MEIS2: variants seen among roughly 807,000 people sequenced by gnomAD.
MEIS2 encodes Meis homeobox 2.
MEIS2 carries 9 observed loss-of-function variants against 58.6 expected under a neutral mutation model. The ratio of observed to expected loss-of-function variants is 0.15; its 90% CI spans 0.09 to 0.27. MEIS2 has a LOEUF of 0.27. Among genes scored for constraint, MEIS2 ranks in the 10% least tolerant of loss-of-function variants. The pLI, the probability that MEIS2 is intolerant of heterozygous loss-of-function variation, is 1.00. For synonymous variants in MEIS2, 221 were observed against 228.4 expected (o/e 0.97, Z 0.29); for missense variants, 427 against 635.0 (o/e 0.67, Z 3.52).
intron 9 of MEIS2, among the ~76,000 whole-genome samples, chr15:36,926,340 T>G (rs1317508676): frequency 1.3e-5 from 2 of 152,104 alleles, no homozygotes; most frequent in Non-Finnish European, 2.9e-5. Flanking sequence ...GTTTTACCTT[T>G]TCAAAAAAAC....
chr15:36,894,573 G>T (rs932683112), intron 11 of MEIS2: 1 of 596,382 alleles, frequency 1.7e-6, no homozygotes, highest in Non-Finnish European at 2.9e-6. Flanking sequence ...TTCAGAGATG[G>T]GTGATATATA....
rs566992077 is a variant in MEIS2 at position 37,089,208 on chromosome 15, C to A, written c.639+4373G>T. Among the ~76,000 whole-genome samples, 9 of 152,228 alleles carry A rather than the reference C, an allele frequency of 5.9e-5. No individual in the cohort carries two copies. The East Asian group carries it at 7.7e-4, about 13-fold the overall frequency. The stretch of plus-strand genomic sequence containing the variant: ...GGCTTTGAATAGCATACCATAAGGT[C>A]TCACCTTACACTAAAACATAAGAAA... On this transcript the variant is annotated intron_variant, in intron 6 of 11. Transcript: ENST00000561208.
intron 9 of MEIS2, among the ~76,000 whole-genome samples, chr15:36,929,073 G>A (rs1428437098): frequency 6.6e-6 from 1 of 152,170 alleles, no homozygotes; most frequent in Non-Finnish European, 1.5e-5. Context: ...TCAATAGACT[G>A]GAAACTCCAT....
intron 7 of MEIS2, among the ~76,000 whole-genome samples, chr15:37,056,333 C>A (rs1009036994): frequency 2.0e-5 from 3 of 152,048 alleles, no homozygotes; most frequent in Non-Finnish European, 4.4e-5. Flanking sequence ...ATGGGTGTGC[C>A]TCTGATGGGA....
chr15:36,904,634 T>C (rs1191670324), intron 9 of MEIS2, among the ~76,000 whole-genome samples: 1 of 52,682 alleles, frequency 1.9e-5, no homozygotes, highest in Admixed American at 1.9e-4. Context: ...GATTACATTT[T>C]CTTCTTTTTT....
intron 9 of MEIS2, among the ~76,000 whole-genome samples, chr15:36,945,740 G>T (rs1263052003): frequency 1.3e-5 from 2 of 151,950 alleles, no homozygotes; most frequent in East Asian, 1.9e-4. Context: ...TGATGGGAAG[G>T]TGGGGCAAAC....
chr15:36,911,805 T>C (rs2057040639), intron 9 of MEIS2, among the ~76,000 whole-genome samples: 1 of 152,276 alleles, frequency 6.6e-6, no homozygotes, highest in South Asian at 2.1e-4. Flanking sequence ...AGCTACTCTA[T>C]TATTACCATG....
At chr15:37,034,199 C>T (rs963160473) in intron 8 of MEIS2, among the ~76,000 whole-genome samples, 1 of 152,128 alleles carries the variant, frequency 6.6e-6, no homozygotes, top group Non-Finnish European at 1.5e-5. Context: ...TTGAGCAGAA[C>T]CAAAACCTAG....
At chr15:37,009,618 A>G (rs1230846863) in intron 8 of MEIS2, among the ~76,000 whole-genome samples, 1 of 152,256 alleles carries the variant, frequency 6.6e-6, no homozygotes. Context: ...ATGGCAATGA[A>G]GAATTACGCT....
intron 8 of MEIS2, among the ~76,000 whole-genome samples, chr15:36,985,675 C>T (rs1412655578): frequency 6.6e-6 from 1 of 152,298 alleles, no homozygotes; most frequent in African/African-American, 2.4e-5. Flanking sequence ...CCACTGTTAA[C>T]ATCCCCCTAC....
chr15:36,983,106 A>G (rs747363433), intron 8 of MEIS2, among the ~76,000 whole-genome samples: 9 of 151,756 alleles, frequency 5.9e-5, no homozygotes, highest in Non-Finnish European at 2.9e-5. Flanking sequence ...CTGTATATTC[A>G]CTCTGTTGAT....
intron 9 of MEIS2, among the ~76,000 whole-genome samples, chr15:36,920,336 A>ATT: frequency 6.6e-6 from 1 of 152,216 alleles, no homozygotes; most frequent in East Asian, 1.9e-4. Context: ...TTTAGTAGAC[A>ATT]GGGTTTCTCC....
intron 9 of MEIS2, among the ~76,000 whole-genome samples, chr15:36,900,365 T>C (rs965151478): frequency 6.6e-6 from 1 of 152,176 alleles, no homozygotes; most frequent in Non-Finnish European, 1.5e-5. Flanking sequence ...CCTAGTTCCA[T>C]TGATTTGTAT....
At chr15:37,061,245 AG>A (rs1889173419) in intron 7 of MEIS2, among the ~76,000 whole-genome samples, 1 of 152,182 alleles carries the variant, frequency 6.6e-6, no homozygotes. Context: ...GGGGTCAAAC[AG>A]ACGGAAGATG....
chr15:37,088,396 T>C (rs1459448167), intron 6 of MEIS2, among the ~76,000 whole-genome samples: 7 of 152,202 alleles, frequency 4.6e-5, no homozygotes, highest in Admixed American at 2.6e-4. Flanking sequence ...TCAACATACA[T>C]AATTAAATTA....
chr15:37,062,966 A>G (rs1889418862), intron 7 of MEIS2, among the ~76,000 whole-genome samples: 1 of 152,144 alleles, frequency 6.6e-6, no homozygotes, highest in African/African-American at 2.4e-5. Context: ...ACTATCAGTA[A>G]TTTTCTAAAA....
chr15:36,970,377 C>T (rs905901807), intron 8 of MEIS2, among the ~76,000 whole-genome samples: 1 of 149,704 alleles, frequency 6.7e-6, no homozygotes. Flanking sequence ...GCACTCCAGC[C>T]TGGGCGACAG....
intron 9 of MEIS2, among the ~76,000 whole-genome samples, chr15:36,916,238 T>C (rs770723667): frequency 1.1e-4 from 16 of 151,618 alleles, no homozygotes; most frequent in Non-Finnish European, 1.9e-4. Flanking sequence ...CCATCCTGGC[T>C]AAAACGGTGA....
intron 9 of MEIS2, among the ~76,000 whole-genome samples, chr15:36,922,547 T>G (rs1218652455): frequency 6.6e-6 from 1 of 151,628 alleles, no homozygotes; most frequent in Non-Finnish European, 1.5e-5. Context: ...TTGAGGAGTA[T>G]CTACCTCTAC....
Sources: allele counts gnomAD v4.1 joint callset (sites outside exome capture counted in the v4.1 genomes callset), GRCh38; gene constraint gnomAD v4.1.1; transcripts MANE v1.5; gene names NCBI Gene and HGNC (gene_info 2026-07-23, HGNC 2026-07-21).